TUSC3: variants seen among roughly 807,000 people sequenced by gnomAD.
TUSC3 encodes the protein tumor suppressor candidate 3, also known as dolichyl-diphosphooligosaccharide--protein glycosyltransferase subunit TUSC3.
A neutral mutation model predicts 44.8 loss-of-function variants in TUSC3; 45 were observed. That is an observed-to-expected ratio of 1.00 (90% CI 0.79 to 1.29). The LOEUF (loss-of-function observed/expected upper bound fraction) is 1.29. Ranked by LOEUF, TUSC3 falls within the 50% of genes most tolerant of loss-of-function variation. TUSC3 has a pLI of 0.00. For synonymous variants in TUSC3, 212 were observed against 152.9 expected (o/e 1.39, Z -2.85); for missense variants, 519 against 437.9 (o/e 1.19, Z -1.65).
Position 15,664,605 on chromosome 8 carries a change from G to C in TUSC3, c.708+2309G>C, listed in dbSNP as rs927702128. ...GCCTTTTAGAAGTCAATAAAAGGCT[G>C]CAGAGAACAGACATGTTTTCAAACA... is the stretch of plus-strand genomic sequence containing the variant. On this transcript the variant is annotated intron_variant, in intron 5 of 10. Coordinates refer to ENST00000503731, the MANE Select transcript of TUSC3 (RefSeq NM_006765.4). 2.7e-5 allele frequency among the ~76,000 whole-genome samples: 4 copies of C among 149,474 alleles called. No homozygotes were observed. In the South Asian group the frequency reaches 6.2e-4, roughly 23 times the overall value.
At chr8:15,642,788 T>G (rs561587787) in intron 2 of TUSC3, among the ~76,000 whole-genome samples, 1 of 152,226 alleles carries the variant, frequency 6.6e-6, no homozygotes, top group Admixed American at 6.5e-5. Context: ...GTTGTTTTGT[T>G]TTTATTATTT....
chr8:15,441,431 C>T (rs750765516), intron 1 of TUSC3, among the ~76,000 whole-genome samples: 2 of 152,116 alleles, frequency 1.3e-5, no homozygotes. Context: ...TAAATGAGAT[C>T]TGTCATTATA....
chr8:15,545,341 C>G lies in TUSC3; in HGVS notation c.138+4773C>G, dbSNP rs1253561468. ...ATGCCCACTCATGTAGTGAATTACA[C>G]TGCAGGAGAGGAACCTTGCATTTAA... is the stretch of plus-strand genomic sequence containing the variant. On this transcript the variant is annotated intron_variant, in intron 1 of 10. Transcript: ENST00000503731. Among the ~76,000 whole-genome samples the G allele has an allele frequency of 4.0e-5, 6 of 151,640 alleles. 1 individual carries two copies. The highest frequency in any genetic ancestry group is 8.8e-5 in the Non-Finnish European group (6 of 67,870).
At chr8:15,691,033 C>G (rs541032982) in intron 6 of TUSC3, among the ~76,000 whole-genome samples, 55 of 104,350 alleles carry the variant, frequency 5.3e-4, no homozygotes, top group Non-Finnish European at 1.1e-3. Flanking sequence ...TTTCCTAATT[C>G]TGTGAAGAAT....
chr8:15,472,471 T>C (rs1345338863), intron 1 of TUSC3, among the ~76,000 whole-genome samples: 1 of 152,244 alleles, frequency 6.6e-6, no homozygotes, highest in Non-Finnish European at 1.5e-5. Flanking sequence ...GTTTTATCTC[T>C]GGCCGTTTCT....
the TUSC3 span, among the ~76,000 whole-genome samples, chr8:15,801,652 A>C: frequency 6.6e-6 from 1 of 152,162 alleles, no homozygotes; most frequent in African/African-American, 2.4e-5. Flanking sequence ...CCAGAGAAGC[A>C]TAAGGATGAA....
chr8:15,541,759 C>T (rs1801699897), intron 1 of TUSC3, among the ~76,000 whole-genome samples: 1 of 151,568 alleles, frequency 6.6e-6, no homozygotes, highest in South Asian at 2.1e-4. Context: ...TTTTTTTTAG[C>T]ACTTGGTATT....
chr8:15,661,349 C>T (rs997792943), intron 4 of TUSC3, among the ~76,000 whole-genome samples: 6 of 151,942 alleles, frequency 3.9e-5, no homozygotes, highest in African/African-American at 9.6e-5. Flanking sequence ...TCTTTTAATC[C>T]GGAATATTTC....
At chr8:15,642,730 C>T (rs1806433893) in intron 2 of TUSC3, among the ~76,000 whole-genome samples, 1 of 152,042 alleles carries the variant, frequency 6.6e-6, no homozygotes, top group African/African-American at 2.4e-5. Flanking sequence ...TTTTGAGTAT[C>T]ATGATAGTTC....
intron 7 of TUSC3, among the ~76,000 whole-genome samples, chr8:15,731,691 A>G (rs1370385171): frequency 2.6e-5 from 4 of 152,202 alleles, no homozygotes; most frequent in Non-Finnish European, 5.9e-5. Context: ...GGTGTGTGAC[A>G]TATCATTTCA....
chr8:15,499,709 T>G (rs13280380), intron 2 of TUSC3, among the ~76,000 whole-genome samples: 42,113 of 152,030 alleles, frequency 0.28, 6,011 homozygotes, highest in Non-Finnish European at 0.31. Context: ...CTGGATGAAA[T>G]TAGCATTTGA....
chr8:15,671,531 T>C (rs1349590792), intron 5 of TUSC3, among the ~76,000 whole-genome samples: 2 of 152,050 alleles, frequency 1.3e-5, no homozygotes, highest in Admixed American at 1.3e-4. Context: ...GCCAGCGCTA[T>C]GTGAGTAAAT....
Position 15,697,099 on chromosome 8 carries a change from T to G in TUSC3, c.798+23263T>G, listed in dbSNP as rs901412336. Among the ~76,000 whole-genome samples the G allele has an allele frequency of 1.6e-4, 24 of 152,312 alleles. 2 individuals carry two copies. The South Asian group carries it at 1.9e-3, about 12-fold the overall frequency. The stretch of plus-strand genomic sequence containing the variant: ...TTCATAGTAGCCTTGAATGATCTTT[T>G]GTATTTCAGTGGTGTCAGCTGTAAT... On this transcript the variant is annotated intron_variant, in intron 6 of 10. Coordinates refer to ENST00000503731, the MANE Select transcript of TUSC3 (RefSeq NM_006765.4).
intron 6 of TUSC3, among the ~76,000 whole-genome samples, chr8:15,709,948 A>G (rs781418124): frequency 6.6e-5 from 10 of 151,832 alleles, no homozygotes; most frequent in Non-Finnish European, 1.0e-4. Flanking sequence ...CTTTCTATTC[A>G]AAAGTCTTCT....
chr8:15,468,772 G>A (rs1475039192), intron 1 of TUSC3, among the ~76,000 whole-genome samples: 1 of 152,094 alleles, frequency 6.6e-6, no homozygotes, highest in African/African-American at 2.4e-5. Flanking sequence ...GATGCTTTCA[G>A]GAGATTCAAG....
intron 2 of TUSC3, among the ~76,000 whole-genome samples, chr8:15,646,204 A>G (rs1317139128): frequency 6.6e-6 from 1 of 152,132 alleles, no homozygotes; most frequent in Non-Finnish European, 1.5e-5. Flanking sequence ...CTTCTGAAAG[A>G]AGGGAGGACA....
chr8:15,621,780 T>TA (rs71543653), intron 1 of TUSC3, among the ~76,000 whole-genome samples: 33,091 of 147,838 alleles, frequency 0.22, 4,164 homozygotes, highest in Non-Finnish European at 0.29. Context: ...TTGGGTCTTT[T>TA]AAAAAAAAAA....
intron 1 of TUSC3, among the ~76,000 whole-genome samples, chr8:15,576,285 TTTTTTTA>T (rs1803108846): frequency 7.8e-6 from 1 of 127,688 alleles, no homozygotes; most frequent in East Asian, 2.2e-4. Context: ...TCTTGTTTTT[TTTTTTTA>T]TTTTTTTATT....
intron 1 of TUSC3, among the ~76,000 whole-genome samples, chr8:15,457,545 G>A (rs1043634586): frequency 4.6e-5 from 7 of 150,760 alleles, no homozygotes; most frequent in Admixed American, 6.6e-5. Flanking sequence ...CAGTAATTAC[G>A]CAATCATGAG....
Sources: allele counts gnomAD v4.1 joint callset (sites outside exome capture counted in the v4.1 genomes callset), GRCh38; gene constraint gnomAD v4.1.1; transcripts MANE v1.5; gene names NCBI Gene and HGNC (gene_info 2026-07-23, HGNC 2026-07-21).